The following IQSEC3 variants were observed in gnomAD, a reference collection of about 807,000 sequenced individuals.
IQSEC3 encodes the protein IQ motif and SEC7 domain-containing protein 3.
In IQSEC3, 50 loss-of-function variants were observed where a neutral mutation model predicts 105.4. That is an observed-to-expected ratio of 0.47 (90% CI 0.38 to 0.60). The LOEUF (loss-of-function observed/expected upper bound fraction) is 0.60, where lower values mean the gene tolerates loss of function less well. Ranked by LOEUF, IQSEC3 falls within the 20% of genes least tolerant of loss-of-function variation. IQSEC3 has a pLI of 0.00. For missense variants in IQSEC3, 1,415 were observed against 1,630.0 expected (o/e 0.87, Z 2.27); for synonymous variants, 708 against 746.0 (o/e 0.95, Z 0.83).
intron 2 of IQSEC3, among the ~76,000 whole-genome samples, chr12:125,310 C>T (rs1591684234): frequency 1.3e-5 from 2 of 152,170 alleles, no homozygotes; most frequent in South Asian, 2.1e-4. Flanking sequence ...GAGTGACCTG[C>T]TCAGGGTCAC....
At chr12:90,505 TGGCATAA>T (rs1467454200) in intron 1 of IQSEC3, among the ~76,000 whole-genome samples, 2 of 152,250 alleles carry the variant, frequency 1.3e-5, no homozygotes, top group Non-Finnish European at 2.9e-5. Context: ...TTTTTATGTA[TGGCATAA>T]GGCATGGATT....
intron 3 of IQSEC3, among the ~76,000 whole-genome samples, chr12:130,301 C>A (rs1865545105): frequency 1.3e-5 from 2 of 152,230 alleles, no homozygotes; most frequent in South Asian, 4.1e-4. Context: ...GTGTTATCTC[C>A]CCGGGTCTGC....
intron 7 of IQSEC3, 63 bp downstream of exon 7, chr12:157,757 C>T (rs529567851): frequency 1.2e-3 from 1,892 of 1,532,310 alleles, no homozygotes; most frequent in Middle Eastern, 3.0e-3. Context: ...TTCTGTGCAC[C>T]GTGCATTCTG....
At chr12:164,076 T>A (rs2137054545) in intron 9 of IQSEC3, among the ~76,000 whole-genome samples, 1 of 152,320 alleles carries the variant, frequency 6.6e-6, no homozygotes, top group Middle Eastern at 3.4e-3. Context: ...ACAGATACTT[T>A]TTTTGCTCTT....
In IQSEC3 at chr12:152,084, C is replaced by T. The variant is rs1323116262; in HGVS notation, c.2154-4941C>T. Among the ~76,000 whole-genome samples, 4 of 152,058 alleles carry T rather than the reference C, an allele frequency of 2.6e-5. No individual in the cohort carries two copies. Among genetic ancestry groups the T allele is most frequent in the Admixed American group, 1.3e-4 (2 of 15,268 alleles). On this transcript the variant is annotated intron_variant, in intron 5 of 13. Coordinates refer to ENST00000538872, the MANE Select transcript of IQSEC3 (RefSeq NM_001170738.2). This position sits in a 1 kb window ranked among gnomAD's most constrained non-coding sequence, Gnocchi z 4.8. ...CAGAGACTGTGTTGCTGGCCACTTA[C>T]ACCAGGTCCCGAGCACAGCCTTGCA... is the stretch of plus-strand genomic sequence containing the variant.
chr12:73,135 T>C (rs1555067987), intron 1 of IQSEC3, among the ~76,000 whole-genome samples: 1 of 151,944 alleles, frequency 6.6e-6, no homozygotes, highest in African/African-American at 2.4e-5. Flanking sequence ...CAAAGCTAAA[T>C]CTTTCAGGCT....
At chr12:132,467 T>C (rs1001197286) in intron 3 of IQSEC3, among the ~76,000 whole-genome samples, 30 of 152,096 alleles carry the variant, frequency 2.0e-4, no homozygotes, top group African/African-American at 6.8e-4. Context: ...GGTTCTGCAG[T>C]GTAAGGTGAT....
chr12:134,060 G>A (rs1196695421), intron 3 of IQSEC3, among the ~76,000 whole-genome samples: 7 of 152,262 alleles, frequency 4.6e-5, no homozygotes, highest in East Asian at 1.9e-4. Flanking sequence ...CAGATAGGAC[G>A]AAGGAAATGG....
At chr12:140,132 TGTTA>T (rs1270509796) in intron 4 of IQSEC3, 1 of 152,226 alleles carries the variant, frequency 6.6e-6, no homozygotes, top group Non-Finnish European at 1.5e-5. Flanking sequence ...TTCATTCGGC[TGTTA>T]TTTATTGGGT....
intron 1 of IQSEC3, among the ~76,000 whole-genome samples, chr12:96,828 T>C (rs558431540): frequency 1.6e-4 from 24 of 152,252 alleles, no homozygotes; most frequent in Admixed American, 5.9e-4. Flanking sequence ...TGCCCTTGGC[T>C]GAGAAGGAGG....
intron 3 of IQSEC3, 65 bp downstream of exon 3, chr12:125,977 G>GGGTACCAGGGATATCCCCGCGAC (rs1865389893): frequency 6.1e-6 from 9 of 1,473,836 alleles, no homozygotes; most frequent in Non-Finnish European, 7.2e-6. Flanking sequence ...GGGCTGTCGA[G>GGGTACCAGGGATATCCCCGCGAC]GGTACCAGGG....
chr12:154,341 C>T (rs1171791090), intron 5 of IQSEC3, among the ~76,000 whole-genome samples: 5 of 152,338 alleles, frequency 3.3e-5, no homozygotes, highest in African/African-American at 1.2e-4. Context: ...CCTGCCCCCA[C>T]AGTGCCCTGG....
intron 2 of IQSEC3, among the ~76,000 whole-genome samples, chr12:103,765 T>TG (rs1183541059): frequency 2.2e-3 from 2 of 904 alleles, no homozygotes; most frequent in Admixed American, 0.021. Context: ...TGGGGGGAGG[T>TG]GGGGCTCAGG....
chr12:136,939 C>A (rs1029849536), intron 3 of IQSEC3, among the ~76,000 whole-genome samples: 1 of 152,110 alleles, frequency 6.6e-6, no homozygotes, highest in Admixed American at 6.5e-5. Flanking sequence ...GAGGAGAAAA[C>A]CCACGGACAG....
intron 5 of IQSEC3, among the ~76,000 whole-genome samples, chr12:153,847 C>T (rs554321751): frequency 6.6e-6 from 1 of 152,318 alleles, no homozygotes; most frequent in South Asian, 2.1e-4. Flanking sequence ...TACCCTTGCA[C>T]TCAGCTCAGT....
intron 2 of IQSEC3, among the ~76,000 whole-genome samples, chr12:104,789 C>T (rs1208385940): frequency 1.3e-5 from 2 of 152,268 alleles, no homozygotes; most frequent in African/African-American, 4.8e-5. Flanking sequence ...GATAGCCCTG[C>T]ATTGGCATAG....
intron 4 of IQSEC3, 51 bp from the exon 5 acceptor site, chr12:141,073 A>AG: frequency 2.0e-6 from 3 of 1,523,928 alleles, no homozygotes; most frequent in African/African-American, 2.8e-5. Context: ...GGAAAGAGTC[A>AG]TGGATGGCTT....
chr12:157,560 T>C lies in IQSEC3; in HGVS notation c.2309T>C (p.Val770Ala). 6.2e-7 allele frequency: 1 copy of C among 1,614,024 alleles called. No individual in the cohort carries two copies. The highest frequency in any genetic ancestry group is 1.1e-5 in the South Asian group (1 of 91,052). Residue 770 changes from valine to alanine, a missense_variant, in exon 7 of 14, where the codon GTT (valine) becomes GCT (alanine). Around this residue, in one of 6 missense-constraint regions of IQSEC3, gnomAD observed 213 missense variants for 306.2 expected, o/e 0.70. Transcript: ENST00000538872. Reference protein sequence around the residue: ...QRYCMCNPEVVQQFHNPDTIF... With the variant: ...QRYCMCNPEVAQQFHNPDTIF... ...TACTGCATGTGCAACCCCGAAGTGG[T>C]TCAGCAGTTCCACAACCCCGACACC...
At chr12:156,617 A>C (rs1866696018) in intron 5 of IQSEC3, among the ~76,000 whole-genome samples, 1 of 152,212 alleles carries the variant, frequency 6.6e-6, no homozygotes, top group South Asian at 2.1e-4. Context: ...TAAATGAGAA[A>C]GTGAAATTTA....
Sources: gnomAD v4.1 joint callset for allele counts (sites outside exome capture counted in the v4.1 genomes callset) on GRCh38, gnomAD v4.1.1 for gene constraint, gnomAD v4.1.1 regional missense constraint, Gnocchi (gnomAD v3.1) non-coding constraint, MANE v1.5 for transcripts, NCBI Gene and HGNC (gene_info 2026-07-23, HGNC 2026-07-21) for gene names.